The following VPS13A variants were observed in gnomAD, a reference collection of about 807,000 sequenced individuals.
The protein encoded by VPS13A is intermembrane lipid transfer protein VPS13A.
In VPS13A, 264 loss-of-function variants were observed where a neutral mutation model predicts 390.9. The observed-to-expected ratio is 0.68, with a 90% CI of 0.61 to 0.75. The LOEUF is 0.75. Among genes scored for constraint, VPS13A ranks in the 30% least tolerant of loss-of-function variants. VPS13A has a pLI of 0.00. For missense variants in VPS13A, 3,409 were observed against 3,733.9 expected (o/e 0.91, Z 2.27); for synonymous variants, 1,231 against 1,227.1 (o/e 1.00, Z -0.07).
At position 77,339,805 on chromosome 9, in the gene VPS13A, G is replaced by T. The variant is rs186817145; in HGVS notation, c.6668G>T (p.Arg2223Leu). Residue 2223 changes from arginine (R) to leucine (L), a missense_variant, in exon 48 of 72, where the codon CGC becomes CTC. Physicochemically the swap from Arg to Leu is moderately radical, Grantham distance 102. Transcript: ENST00000360280. ...SPYWMVNKTG[R>L]MLQYKADGIH... is the part of the protein sequence containing the mutation. ...TATTGGATGGTCAATAAAACTGGCC[G>T]CATGTTACAGTACAAAGCAGACGGA... 1.2e-6 allele frequency: 2 copies of T among 1,613,848 alleles called. No homozygotes were observed. Among genetic ancestry groups the T allele is most frequent in the Non-Finnish European group, 1.7e-6 (2 of 1,179,954 alleles).
At chr9:77,365,435 T>C in intron 59 of VPS13A, 25 bp from the exon 60 acceptor site, 1 of 1,498,992 alleles carries the variant, frequency 6.7e-7, no homozygotes, top group Non-Finnish European at 9.3e-7. Context: ...CCCTTTAGTT[T>C]TAATATTTTG....
chr9:77,242,948 T>C (rs187769296), intron 19 of VPS13A, among the ~76,000 whole-genome samples: 1 of 152,156 alleles, frequency 6.6e-6, no homozygotes, highest in East Asian at 1.9e-4. Context: ...AGTATAAAAA[T>C]GCTAATTCTA....
chr9:77,236,161 G>T (rs1176137194), intron 17 of VPS13A, among the ~76,000 whole-genome samples: 2 of 152,102 alleles, frequency 1.3e-5, no homozygotes, highest in Non-Finnish European at 2.9e-5. Flanking sequence ...GATTTTATTG[G>T]GACATAACCC....
chr9:77,313,945 AC>A, intron 35 of VPS13A, 46 bp from the exon 36 acceptor site: 1 of 1,570,894 alleles, frequency 6.4e-7, no homozygotes, highest in East Asian at 2.4e-5. Context: ...TTAATGAGCT[AC>A]TTTTCATGAT....
chr9:77,355,016 A>G (rs912422006), intron 54 of VPS13A, among the ~76,000 whole-genome samples: 1 of 152,118 alleles, frequency 6.6e-6, no homozygotes, highest in Non-Finnish European at 1.5e-5. Context: ...TTGGGTCTCT[A>G]CTGAATTGTT....
At position 77,307,982 on chromosome 9, in the gene VPS13A, A is replaced by C; in HGVS notation, c.3998A>C (p.Lys1333Thr). ...LSQEDITTIF[K>T]TLHGNIWYEK... ...CAAGAAGATATAACAACTATTTTTA[A>C]AACATTGCATGGCAATATATGGTAT... The change falls in exon 35 of 72, where the codon AAA (lysine) becomes ACA (threonine). Residue 1333 changes from lysine to threonine, a missense_variant. Physicochemically the swap from Lys to Thr is moderately conservative, Grantham distance 78. Around this residue, in one of 5 missense-constraint regions of VPS13A, gnomAD observed 2,717 missense variants for 2,917.4 expected, o/e 0.93. Transcript: ENST00000360280. 4.4e-6 allele frequency: 7 copies of C among 1,602,628 alleles called. No individual in the cohort carries two copies. Among genetic ancestry groups the C allele is most frequent in the Non-Finnish European group, 6.0e-6 (7 of 1,169,624 alleles).
intron 32 of VPS13A, among the ~76,000 whole-genome samples, chr9:77,294,391 G>A (rs1016787559): frequency 1.1e-4 from 17 of 151,798 alleles, no homozygotes; most frequent in Non-Finnish European, 2.4e-4. Flanking sequence ...ATTTTTTCCT[G>A]TGGGTGTCAC....
chr9:77,338,534 G>A (rs2131501987), intron 47 of VPS13A: 1 of 152,184 alleles, frequency 6.6e-6, no homozygotes, highest in East Asian at 1.9e-4. Flanking sequence ...AAGACATGGG[G>A]GAAATCAAAT....
At chr9:77,206,611 C>G (rs909465554) in intron 5 of VPS13A, among the ~76,000 whole-genome samples, 2 of 152,054 alleles carry the variant, frequency 1.3e-5, no homozygotes, top group African/African-American at 4.8e-5. Flanking sequence ...AAGCGGTGTC[C>G]TGAAGAAATC....
chr9:77,259,194 T>C (rs2131290864), intron 22 of VPS13A, among the ~76,000 whole-genome samples: 1 of 152,310 alleles, frequency 6.6e-6, no homozygotes. Flanking sequence ...AAAGTTGAGC[T>C]GCGTTAAGTT....
chr9:77,354,822 G>C lies in VPS13A; in HGVS notation c.7652+1181G>C, dbSNP rs1831673373. ...ATCTCACCCCCCAATATCACAGCTT[G>C]CTATCTACCAGCGTTTGCATACTAC... On this transcript the variant is annotated intron_variant, in intron 54 of 71. Coordinates refer to ENST00000360280, the MANE Select transcript of VPS13A (RefSeq NM_033305.3). Among the ~76,000 whole-genome samples the C allele has an allele frequency of 2.0e-5, 3 of 152,062 alleles. No homozygotes were observed. The South Asian group carries it at 6.2e-4, about 32-fold the overall frequency.
intron 47 of VPS13A, chr9:77,337,833 G>A: frequency 3.9e-6 from 1 of 253,194 alleles, no homozygotes; most frequent in African/African-American, 2.2e-5. Flanking sequence ...TACTCTGTGT[G>A]GTTTCTTCCT....
At position 77,421,352 on chromosome 9, in the gene VPS13A, G is replaced by A. The variant is rs1463126088; in HGVS notation, c.*5346G>A. On this transcript the variant is annotated 3_prime_UTR_variant, in exon 72 of 72. Coordinates refer to ENST00000360280, the MANE Select transcript of VPS13A (RefSeq NM_033305.3). ...TATAAACACAGATATTTACAGTGAA[G>A]TTCTTCCTTTTGAAACTAATCTTAT... The A allele has an allele frequency of 1.3e-5, 2 of 152,140 alleles. No individual in the cohort carries two copies. Among genetic ancestry groups the A allele is most frequent in the African/African-American group, 4.8e-5 (2 of 41,432 alleles). 9.4% of individuals were successfully genotyped at this position (152,140 alleles called of 1,614,324 possible).
At chr9:77,282,319 C>A (rs1486764406) in intron 29 of VPS13A, 45 bp downstream of exon 29, 6 of 1,510,706 alleles carry the variant, frequency 4.0e-6, no homozygotes, top group Non-Finnish European at 4.5e-6. Context: ...TTTTTTTAAC[C>A]ATGTAGGTCA....
At chr9:77,345,357 G>T (rs796424828) in intron 52 of VPS13A, among the ~76,000 whole-genome samples, 3 of 152,328 alleles carry the variant, frequency 2.0e-5, no homozygotes, top group African/African-American at 7.2e-5. Flanking sequence ...AAGAAAAATG[G>T]AAGAGCTGAA....
chr9:77,249,951 G>A lies in VPS13A; in HGVS notation c.2038-146G>A, dbSNP rs13297451. On this transcript the variant is annotated intron_variant, in intron 20 of 71. Coordinates refer to ENST00000360280, the MANE Select transcript of VPS13A (RefSeq NM_033305.3). ...CCTTATTATTATATATCTCATCGAT[G>A]AGGACCTTTCTAATAGCCTTATTAT... 0.019 allele frequency: 15,501 copies of A among 801,988 alleles called. 261 individuals carry two copies. The highest frequency in any genetic ancestry group is 0.037 in the Middle Eastern group (102 of 2,750). 49.7% of individuals were successfully genotyped at this position (801,988 alleles called of 1,614,324 possible). A position where few individuals can be genotyped will look rare whatever the true frequency, so the allele number is the denominator to read the frequency against.
chr9:77,384,671 T>G (rs1214630173), intron 68 of VPS13A: 1 of 1,602,730 alleles, frequency 6.2e-7, no homozygotes, highest in Non-Finnish European at 8.5e-7. Context: ...ATGAGTCAGA[T>G]CTAAACCATT....
intron 68 of VPS13A, among the ~76,000 whole-genome samples, chr9:77,387,240 A>G (rs950958220): frequency 6.6e-6 from 1 of 152,194 alleles, no homozygotes; most frequent in Non-Finnish European, 1.5e-5. Context: ...TCAAATATAT[A>G]GAAAATGAAT....
intron 17 of VPS13A, among the ~76,000 whole-genome samples, chr9:77,233,080 G>A (rs72742594): frequency 0.078 from 11,919 of 152,096 alleles, 588 homozygotes; most frequent in East Asian, 0.12. Flanking sequence ...GGTTTTTAAG[G>A]TTATAGAAAA....
Sources: gnomAD v4.1 joint callset for allele counts (sites outside exome capture counted in the v4.1 genomes callset) on GRCh38, gnomAD v4.1.1 for gene constraint, gnomAD v4.1.1 regional missense constraint, MANE v1.5 for transcripts, NCBI Gene and HGNC (gene_info 2026-07-23, HGNC 2026-07-21) for gene names.